KCNH1: variants seen among roughly 807,000 people sequenced by gnomAD.
KCNH1 encodes potassium voltage-gated channel subfamily H member 1.
KCNH1 carries 27 observed loss-of-function variants against 69.2 expected under a neutral mutation model. The ratio of observed to expected loss-of-function variants is 0.39; its 90% CI spans 0.29 to 0.54. The LOEUF (loss-of-function observed/expected upper bound fraction) is 0.54, where lower values mean the gene tolerates loss of function less well. KCNH1 is among the 20% of genes least tolerant of loss of function. The pLI is 0.68. For missense variants in KCNH1, 798 were observed against 1,261.6 expected, an observed-to-expected ratio of 0.63 and a Z score of 5.57; for synonymous variants, 456 against 487.7, an observed-to-expected ratio of 0.93 and a Z score of 0.86.
intron 1 of KCNH1, among the ~76,000 whole-genome samples, chr1:211,129,593 T>C (rs1223319405): frequency 1.3e-5 from 2 of 152,188 alleles, no homozygotes; most frequent in Non-Finnish European, 2.9e-5. Flanking sequence ...CTGAAGATTG[T>C]CTTAGAATAT....
At chr1:210,695,573 TCCTTGCTAGAATAAACCCTG>T (rs1681621173) in intron 10 of KCNH1, among the ~76,000 whole-genome samples, 1 of 152,206 alleles carries the variant, frequency 6.6e-6, no homozygotes, top group Non-Finnish European at 1.5e-5. Context: ...ATGATAAGTC[TCCTTGCTAGAATAAACCCTG>T]CCTTGTTCAT....
chr1:210,737,405 T>G (rs1682905751), intron 10 of KCNH1, among the ~76,000 whole-genome samples: 1 of 152,252 alleles, frequency 6.6e-6, no homozygotes, highest in South Asian at 2.1e-4. Context: ...AACTATAAAC[T>G]TTTGTCCTTC....
At chr1:210,748,913 C>T (rs573010723) in intron 10 of KCNH1, among the ~76,000 whole-genome samples, 1 of 152,194 alleles carries the variant, frequency 6.6e-6, no homozygotes. Flanking sequence ...CCCACCTGTC[C>T]TACCTGCTCC....
intron 7 of KCNH1, among the ~76,000 whole-genome samples, chr1:210,898,933 G>C (rs116190203): frequency 0.015 from 2,302 of 152,304 alleles, 57 homozygotes; most frequent in African/African-American, 0.052. Context: ...AGCAAAGAGT[G>C]AATTAAGGAA....
intron 6 of KCNH1, among the ~76,000 whole-genome samples, chr1:211,001,072 C>A (rs1428423597): frequency 8.6e-5 from 13 of 152,028 alleles, no homozygotes; most frequent in Admixed American, 8.5e-4. Context: ...AGAAGAAAAC[C>A]CAGGCAATAC....
chr1:210,701,371 C>T (rs2149011108), intron 10 of KCNH1, among the ~76,000 whole-genome samples: 1 of 152,302 alleles, frequency 6.6e-6, no homozygotes, highest in East Asian at 1.9e-4. Context: ...CCATGCCTGG[C>T]TTGGTTTGTA....
intron 10 of KCNH1, among the ~76,000 whole-genome samples, chr1:210,755,363 C>T (rs185490416): frequency 6.6e-6 from 1 of 152,304 alleles, no homozygotes; most frequent in Admixed American, 6.5e-5. Context: ...GACCCCTGTT[C>T]AGGTTCTAAC....
chr1:210,885,637 C>A (rs778097913), intron 7 of KCNH1, among the ~76,000 whole-genome samples: 1 of 152,164 alleles, frequency 6.6e-6, no homozygotes, highest in Non-Finnish European at 1.5e-5. Context: ...AAGCTAAGAT[C>A]CACTGGCTTG....
intron 6 of KCNH1, among the ~76,000 whole-genome samples, chr1:210,954,854 C>T (rs921919783): frequency 5.3e-5 from 8 of 152,322 alleles, no homozygotes; most frequent in Admixed American, 3.3e-4. Context: ...TGTAGGTTGC[C>T]TGTCCACTCT....
chr1:210,685,786 C>T (rs1471918072), intron 10 of KCNH1, among the ~76,000 whole-genome samples: 1 of 152,218 alleles, frequency 6.6e-6, no homozygotes, highest in East Asian at 1.9e-4. Flanking sequence ...CTATCACCAG[C>T]AGGTTCTCAG....
chr1:210,878,365 G>A (rs1332679410), intron 7 of KCNH1, among the ~76,000 whole-genome samples: 1 of 151,696 alleles, frequency 6.6e-6, no homozygotes, highest in African/African-American at 2.4e-5. Flanking sequence ...AGCTCACATG[G>A]AACATTCACC....
At chr1:210,769,748 T>A (rs1428540700) in intron 10 of KCNH1, among the ~76,000 whole-genome samples, 1 of 152,190 alleles carries the variant, frequency 6.6e-6, no homozygotes, top group Non-Finnish European at 1.5e-5. Flanking sequence ...GAGAACGTAA[T>A]TCCCTAGGAC....
At chr1:210,754,859 C>T (rs1224198271) in intron 10 of KCNH1, among the ~76,000 whole-genome samples, 1 of 144,400 alleles carries the variant, frequency 6.9e-6, no homozygotes, top group Non-Finnish European at 1.6e-5. Context: ...CACACACACA[C>T]ACACACACAC....
intron 7 of KCNH1, among the ~76,000 whole-genome samples, chr1:210,869,182 A>C (rs1686181133): frequency 6.6e-6 from 1 of 151,986 alleles, no homozygotes; most frequent in Non-Finnish European, 1.5e-5. Context: ...GTCAGCTCTT[A>C]AAATTTTCTC....
chr1:211,066,401 C>T (rs1475486504), intron 5 of KCNH1, among the ~76,000 whole-genome samples: 1 of 152,042 alleles, frequency 6.6e-6, no homozygotes, highest in African/African-American at 2.4e-5. Flanking sequence ...GAATGGAACC[C>T]AAGTCTAAAC....
chr1:210,951,333 A>G (rs1688058424), intron 6 of KCNH1, among the ~76,000 whole-genome samples: 1 of 152,228 alleles, frequency 6.6e-6, no homozygotes, highest in East Asian at 1.9e-4. Flanking sequence ...GGGTTTGTAA[A>G]GCATAAGATC....
chr1:211,073,732 T>C (rs35714691), intron 5 of KCNH1, among the ~76,000 whole-genome samples: 29,837 of 152,052 alleles, frequency 0.2, 3,154 homozygotes, highest in Non-Finnish European at 0.24. Context: ...GAGGGAAATT[T>C]TTAGCATTAA....
chr1:210,955,615 C>T lies in KCNH1; in HGVS notation c.1033-35546G>A, dbSNP rs373607574. Among the ~76,000 whole-genome samples, 8 of 152,274 alleles carry T rather than the reference C, an allele frequency of 5.3e-5. No individual in the cohort carries two copies. In the South Asian group the frequency reaches 1.7e-3, roughly 32 times the overall value. ...TGTAGTTCTCCTTGAAGGGGTCATT[C>T]ACATCCCTTGTAAGATGGATTCCTA... On this transcript the variant is annotated intron_variant, in intron 6 of 10. Coordinates refer to ENST00000271751, the MANE Select transcript of KCNH1 (RefSeq NM_172362.3).
intron 6 of KCNH1, among the ~76,000 whole-genome samples, chr1:210,966,524 A>G (rs1688404027): frequency 6.6e-6 from 1 of 152,142 alleles, no homozygotes; most frequent in African/African-American, 2.4e-5. Context: ...CAAAGAACTT[A>G]TTTACAAGAA....
Sources: gnomAD v4.1 joint callset for allele counts (sites outside exome capture counted in the v4.1 genomes callset) on GRCh38, gnomAD v4.1.1 for gene constraint, MANE v1.5 for transcripts, NCBI Gene and HGNC (gene_info 2026-07-23, HGNC 2026-07-21) for gene names.